TAFA1: variants seen among roughly 807,000 people sequenced by gnomAD.
The protein encoded by TAFA1 is TAFA chemokine like family member 1, also known as chemokine-like protein TAFA-1.
TAFA1 carries 4 observed loss-of-function variants against 18.5 expected under a neutral mutation model. That is an observed-to-expected ratio of 0.22 (90% CI 0.11 to 0.49). The LOEUF (loss-of-function observed/expected upper bound fraction) is 0.49. Among genes scored for constraint, TAFA1 ranks in the 20% least tolerant of loss-of-function variants. TAFA1 has a pLI of 0.98. For synonymous variants in TAFA1, 56 were observed against 55.2 expected (o/e 1.01, Z -0.06); for missense variants, 147 against 169.0 (o/e 0.87, Z 0.72).
At chr3:68,010,352 G>C (rs976969132) in intron 2 of TAFA1, among the ~76,000 whole-genome samples, 1 of 152,160 alleles carries the variant, frequency 6.6e-6, no homozygotes, top group Admixed American at 6.5e-5. Flanking sequence ...CAGGTGAGTG[G>C]AATTTGACGT....
At chr3:68,417,454 C>T (rs1428769567) in intron 3 of TAFA1, 34 bp downstream of exon 3, 3 of 1,605,866 alleles carry the variant, frequency 1.9e-6, no homozygotes, top group South Asian at 1.1e-5. Context: ...GAAAAGCTCA[C>T]ATGGCATTCA....
intron 3 of TAFA1, among the ~76,000 whole-genome samples, chr3:68,509,519 T>C (rs2072814624): frequency 6.6e-6 from 1 of 152,168 alleles, no homozygotes; most frequent in Non-Finnish European, 1.5e-5. Flanking sequence ...TTCAAAATAC[T>C]ATCTGGATTT....
At chr3:68,232,576 G>A (rs2066884286) in intron 2 of TAFA1, among the ~76,000 whole-genome samples, 1 of 152,056 alleles carries the variant, frequency 6.6e-6, no homozygotes, top group Admixed American at 6.5e-5. Context: ...CACAATAGCA[G>A]GATTGCTGGA....
At position 68,153,392 on chromosome 3, in the gene TAFA1, A is replaced by G. The variant is rs2065830347; in HGVS notation, c.118+146648A>G. Among the ~76,000 whole-genome samples, 3 of 152,110 alleles carry G rather than the reference A, an allele frequency of 2.0e-5. No homozygotes were observed. In the South Asian group the frequency reaches 6.2e-4, roughly 32 times the overall value. On this transcript the variant is annotated intron_variant, in intron 2 of 4. Transcript: ENST00000478136. The stretch of plus-strand genomic sequence containing the variant: ...AGTTAAAAAGTGCTGCAGTTTGGAG[A>G]GAGCTCTGAGGTCATGATTAGAAGC...
At chr3:68,336,603 A>G (rs1047618148) in intron 2 of TAFA1, among the ~76,000 whole-genome samples, 1 of 152,234 alleles carries the variant, frequency 6.6e-6, no homozygotes, top group African/African-American at 2.4e-5. Flanking sequence ...CTTGAAAGGT[A>G]TGAGGATGAA....
At chr3:68,003,651 T>C (rs111363079), upstream of TAFA1, among the ~76,000 whole-genome samples, 9 of 152,286 alleles carry the variant, frequency 5.9e-5, no homozygotes, top group East Asian at 5.8e-4. Context: ...AGGAAGAAGA[T>C]GTTGAACTTC....
At chr3:68,295,322 G>T (rs1431939413) in intron 2 of TAFA1, among the ~76,000 whole-genome samples, 1 of 152,054 alleles carries the variant, frequency 6.6e-6, no homozygotes, top group Non-Finnish European at 1.5e-5. Flanking sequence ...GGATGCAGTG[G>T]GTTGGTAGCT....
intron 3 of TAFA1, among the ~76,000 whole-genome samples, chr3:68,434,606 T>C (rs574898777): frequency 2.6e-4 from 39 of 152,202 alleles, no homozygotes; most frequent in African/African-American, 9.1e-4. Context: ...CTAATATTCC[T>C]GGAAGGCACA....
intron 2 of TAFA1, among the ~76,000 whole-genome samples, chr3:68,257,981 C>T (rs1032993795): frequency 2.6e-5 from 4 of 151,958 alleles, no homozygotes; most frequent in Admixed American, 1.3e-4. Flanking sequence ...AATATCTCTT[C>T]GAAACTCTCA....
intron 2 of TAFA1, among the ~76,000 whole-genome samples, chr3:68,391,239 A>G (rs1328796075): frequency 2.0e-5 from 3 of 152,162 alleles, no homozygotes; most frequent in African/African-American, 7.2e-5. Context: ...AGCCAAATCA[A>G]TCAAGTAGAA....
At chr3:68,087,817 A>C (rs2064989025) in intron 2 of TAFA1, among the ~76,000 whole-genome samples, 1 of 152,106 alleles carries the variant, frequency 6.6e-6, no homozygotes, top group South Asian at 2.1e-4. Flanking sequence ...ATGTCCCCTG[A>C]ATTATATATA....
intron 2 of TAFA1, among the ~76,000 whole-genome samples, chr3:68,031,534 A>G (rs1229907887): frequency 2.0e-5 from 3 of 152,206 alleles, no homozygotes; most frequent in South Asian, 2.1e-4. Flanking sequence ...ATTCCAATCT[A>G]GAAGGACTGG....
chr3:68,102,927 CAT>C (rs1207495135), intron 2 of TAFA1, among the ~76,000 whole-genome samples: 1 of 152,190 alleles, frequency 6.6e-6, no homozygotes, highest in African/African-American at 2.4e-5. Context: ...CTACCCAAAT[CAT>C]GTTCTGGGTA....
chr3:68,201,124 T>C (rs1000833380), intron 2 of TAFA1, among the ~76,000 whole-genome samples: 6 of 151,712 alleles, frequency 4.0e-5, no homozygotes, highest in Admixed American at 2.0e-4. Flanking sequence ...TCTTGAGATT[T>C]CTTCTTTGAT....
intron 2 of TAFA1, among the ~76,000 whole-genome samples, chr3:68,353,391 C>T (rs1482970881): frequency 6.6e-6 from 1 of 152,078 alleles, no homozygotes; most frequent in Non-Finnish European, 1.5e-5. Flanking sequence ...AGGTGATTCT[C>T]ACCTTATCGG....
chr3:68,313,103 T>C (rs1053929718), intron 2 of TAFA1, among the ~76,000 whole-genome samples: 3 of 152,168 alleles, frequency 2.0e-5, no homozygotes, highest in Admixed American at 1.3e-4. Context: ...TGAATAATCA[T>C]TTCCCACATG....
At chr3:68,167,088 C>G (rs1373482018) in intron 2 of TAFA1, among the ~76,000 whole-genome samples, 1 of 152,150 alleles carries the variant, frequency 6.6e-6, no homozygotes, top group Non-Finnish European at 1.5e-5. Flanking sequence ...CACTATTATT[C>G]AAATGAGCCT....
chr3:68,279,709 G>A (rs934730507), intron 2 of TAFA1, among the ~76,000 whole-genome samples: 1 of 152,112 alleles, frequency 6.6e-6, no homozygotes, highest in African/African-American at 2.4e-5. Flanking sequence ...ATGCCAAGGA[G>A]ATAGTTTTCT....
intron 3 of TAFA1, among the ~76,000 whole-genome samples, chr3:68,521,806 G>A (rs1281216463): frequency 6.9e-6 from 1 of 144,928 alleles, no homozygotes; most frequent in African/African-American, 2.6e-5. Context: ...GTTTGCTTAT[G>A]TTGTGACAGA....
Sources: gnomAD v4.1 joint callset for allele counts (sites outside exome capture counted in the v4.1 genomes callset) on GRCh38, gnomAD v4.1.1 for gene constraint, MANE v1.5 for transcripts, NCBI Gene and HGNC (gene_info 2026-07-23, HGNC 2026-07-21) for gene names.